The following VAV3 variants were observed in gnomAD, a reference collection of about 807,000 sequenced individuals.
The protein encoded by VAV3 is vav guanine nucleotide exchange factor 3, also known as guanine nucleotide exchange factor VAV3.
In VAV3, 94 loss-of-function variants were observed where a neutral mutation model predicts 131.2. That is an observed-to-expected ratio of 0.72 (90% CI 0.61 to 0.85). The LOEUF (loss-of-function observed/expected upper bound fraction) is 0.85. VAV3 is among the 40% of genes least tolerant of loss of function. VAV3 has a pLI of 0.00. For missense variants in VAV3, 939 were observed against 1,002.7 expected (o/e 0.94, Z 0.86); for synonymous variants, 349 against 342.0 (o/e 1.02, Z -0.22).
chr1:107,794,739 T>C (rs1010359899), intron 2 of VAV3, among the ~76,000 whole-genome samples: 27 of 152,178 alleles, frequency 1.8e-4, no homozygotes, highest in African/African-American at 6.0e-4. Context: ...ACAAGGAGCA[T>C]TTTTCAGTCA....
At chr1:107,698,569 G>A (rs1490827602) in intron 17 of VAV3, among the ~76,000 whole-genome samples, 2 of 152,188 alleles carry the variant, frequency 1.3e-5, no homozygotes, top group African/African-American at 2.4e-5. Context: ...ATTAATGGAG[G>A]AGCAGCTGTA....
At chr1:107,626,177 C>T (rs183598099) in intron 20 of VAV3, among the ~76,000 whole-genome samples, 1 of 152,238 alleles carries the variant, frequency 6.6e-6, no homozygotes, top group East Asian at 1.9e-4. Flanking sequence ...CAATTAGGAC[C>T]TCACCCACTT....
chr1:107,590,875 AT>A (rs374707741), intron 25 of VAV3, among the ~76,000 whole-genome samples: 55 of 152,196 alleles, frequency 3.6e-4, no homozygotes, highest in African/African-American at 1.2e-3. Flanking sequence ...CTCCTAACTC[AT>A]CTTCCCTCTG....
chr1:107,811,540 T>C (rs1172183291), intron 2 of VAV3, among the ~76,000 whole-genome samples: 1 of 152,206 alleles, frequency 6.6e-6, no homozygotes, highest in Non-Finnish European at 1.5e-5. Context: ...AAATTAATTA[T>C]TTCCTTACCT....
At chr1:107,666,540 C>T (rs1657421423) in intron 19 of VAV3, among the ~76,000 whole-genome samples, 1 of 150,844 alleles carries the variant, frequency 6.6e-6, no homozygotes, top group Non-Finnish European at 1.5e-5. Context: ...CCCTCACTCC[C>T]TTTCATACTT....
chr1:107,732,318 T>C (rs1306088867), intron 15 of VAV3, among the ~76,000 whole-genome samples: 8 of 152,196 alleles, frequency 5.3e-5, no homozygotes, highest in Non-Finnish European at 1.2e-4. Context: ...GGGTGATTTC[T>C]GCATTTACAA....
chr1:107,850,891 T>C (rs1388560464), intron 2 of VAV3, among the ~76,000 whole-genome samples: 2 of 152,122 alleles, frequency 1.3e-5, no homozygotes, highest in East Asian at 3.9e-4. Context: ...TTCGTATGGC[T>C]GCATAGTGGG....
At chr1:107,906,248 GT>G (rs1672098784) in intron 1 of VAV3, among the ~76,000 whole-genome samples, 1 of 151,794 alleles carries the variant, frequency 6.6e-6, no homozygotes, top group South Asian at 2.1e-4. Context: ...GCCAAGGCTT[GT>G]TTTGTTTTGT....
At chr1:107,894,314 A>G (rs902484064) in intron 1 of VAV3, among the ~76,000 whole-genome samples, 1 of 152,206 alleles carries the variant, frequency 6.6e-6, no homozygotes, top group African/African-American at 2.4e-5. Context: ...AATTTTCACT[A>G]CTCAAAGAAG....
At chr1:107,850,999 T>C (rs1362100713) in intron 2 of VAV3, among the ~76,000 whole-genome samples, 3 of 151,798 alleles carry the variant, frequency 2.0e-5, no homozygotes, top group Admixed American at 6.6e-5. Flanking sequence ...TAGGTGGCAA[T>C]AAGCAGAAAG....
chr1:107,915,958 G>A (rs1477048033), intron 1 of VAV3, among the ~76,000 whole-genome samples: 4 of 151,488 alleles, frequency 2.6e-5, no homozygotes, highest in Non-Finnish European at 5.9e-5. Context: ...AAAAAAAAAA[G>A]GAAGCACAGG....
intron 25 of VAV3, among the ~76,000 whole-genome samples, chr1:107,589,746 A>G (rs1299112294): frequency 6.6e-6 from 1 of 152,180 alleles, no homozygotes; most frequent in African/African-American, 2.4e-5. Flanking sequence ...TCAGAAAATA[A>G]AGGCAGGTGA....
chr1:107,867,490 C>T (rs547763219), intron 2 of VAV3, among the ~76,000 whole-genome samples: 4 of 152,160 alleles, frequency 2.6e-5, no homozygotes, highest in African/African-American at 9.7e-5. Flanking sequence ...GGCAATAGTG[C>T]TAATGATCTG....
chr1:107,908,567 C>T (rs188595677), intron 1 of VAV3, among the ~76,000 whole-genome samples: 1 of 152,220 alleles, frequency 6.6e-6, no homozygotes, highest in East Asian at 1.9e-4. Flanking sequence ...ATGTGTACTG[C>T]ATTTGTAACA....
intron 15 of VAV3, among the ~76,000 whole-genome samples, chr1:107,729,616 A>T (rs970144768): frequency 1.3e-5 from 2 of 152,184 alleles, no homozygotes; most frequent in Non-Finnish European, 2.9e-5. Context: ...CAGGCAAGTT[A>T]CTTACATTTC....
intron 18 of VAV3, among the ~76,000 whole-genome samples, chr1:107,684,495 C>T (rs1557760680): frequency 6.6e-6 from 1 of 152,210 alleles, no homozygotes; most frequent in Non-Finnish European, 1.5e-5. Flanking sequence ...TTTTCATTCA[C>T]AAGTTAAATG....
intron 1 of VAV3, among the ~76,000 whole-genome samples, chr1:107,901,097 T>C (rs915018021): frequency 1.3e-5 from 2 of 152,234 alleles, no homozygotes; most frequent in Non-Finnish European, 2.9e-5. Flanking sequence ...TGGAAAGATA[T>C]GGCTATAAAT....
intron 22 of VAV3, among the ~76,000 whole-genome samples, chr1:107,605,481 G>T (rs566958420): frequency 1.3e-5 from 2 of 152,230 alleles, no homozygotes; most frequent in South Asian, 4.2e-4. Context: ...GCAGCCCCTC[G>T]ATTTTGGACT....
At chr1:107,839,085 C>T (rs1335140938) in intron 2 of VAV3, among the ~76,000 whole-genome samples, 3 of 151,902 alleles carry the variant, frequency 2.0e-5, no homozygotes, top group Non-Finnish European at 4.4e-5. Flanking sequence ...ACATGTACCC[C>T]CAAATCTAAA....
Sources: allele counts gnomAD v4.1 joint callset (sites outside exome capture counted in the v4.1 genomes callset), GRCh38; gene constraint gnomAD v4.1.1; transcripts MANE v1.5; gene names NCBI Gene and HGNC (gene_info 2026-07-23, HGNC 2026-07-21).